DPP10: variants seen among roughly 807,000 people sequenced by gnomAD.
DPP10 encodes dipeptidyl peptidase like 10.
Under a neutral mutation model 120.9 loss-of-function variants are expected in DPP10, and 33 were observed. The observed-to-expected ratio is 0.27, with a 90% CI of 0.21 to 0.37. DPP10 has a LOEUF of 0.37. DPP10 is among the 10% of genes least tolerant of loss of function. DPP10 has a pLI of 1.00. For missense variants in DPP10, 816 were observed against 942.8 expected, an observed-to-expected ratio of 0.87 and a Z score of 1.76; for synonymous variants, 337 against 326.1, an observed-to-expected ratio of 1.03 and a Z score of -0.36.
intron 1 of DPP10, among the ~76,000 whole-genome samples, chr2:114,724,659 T>G (rs1393646537): frequency 6.6e-6 from 1 of 152,162 alleles, no homozygotes; most frequent in Non-Finnish European, 1.5e-5. Context: ...AATTTGGCTC[T>G]TTACATCAAA....
intron 1 of DPP10, among the ~76,000 whole-genome samples, chr2:115,044,283 TGC>T (rs1441879069): frequency 6.6e-6 from 1 of 152,100 alleles, no homozygotes; most frequent in Non-Finnish European, 1.5e-5. Flanking sequence ...GGAAGTAAGA[TGC>T]CTCACATGGC....
intron 3 of DPP10, among the ~76,000 whole-genome samples, chr2:115,465,415 A>T (rs937857590): frequency 2.0e-5 from 3 of 152,230 alleles, no homozygotes; most frequent in Non-Finnish European, 2.9e-5. Flanking sequence ...ACTGAAATAA[A>T]GTGTACTGTG....
chr2:114,964,860 G>A (rs535850382), intron 1 of DPP10, among the ~76,000 whole-genome samples: 2 of 152,314 alleles, frequency 1.3e-5, no homozygotes, highest in African/African-American at 4.8e-5. Flanking sequence ...CTGGGCTCCT[G>A]TTAAGAAATA....
At chr2:115,321,019 G>C (rs184841255) in intron 2 of DPP10, among the ~76,000 whole-genome samples, 189 of 152,248 alleles carry the variant, frequency 1.2e-3, no homozygotes, top group Non-Finnish European at 2.3e-3. Flanking sequence ...TCTGTTCTTG[G>C]CTGGGAGCAG....
chr2:114,663,668 T>TATATATATAGAGAGAGAGAGAGAGAGAG, intron 1 of DPP10, among the ~76,000 whole-genome samples: 24 of 80,700 alleles, frequency 3.0e-4, no homozygotes, highest in African/African-American at 1.9e-3. Context: ...TATATATATA[T>TATATATATAGAGAGAGAGAGAGAGAGAG]AGAGAGAGAG....
intron 1 of DPP10, among the ~76,000 whole-genome samples, chr2:114,599,916 G>A (rs1692229651): frequency 1.3e-5 from 2 of 151,406 alleles, no homozygotes; most frequent in Admixed American, 6.6e-5. Context: ...AATATTTGAA[G>A]TATTTTTCTT....
chr2:114,888,323 A>C (rs1442033983), intron 1 of DPP10, among the ~76,000 whole-genome samples: 1 of 152,150 alleles, frequency 6.6e-6, no homozygotes, highest in African/African-American at 2.4e-5. Context: ...ATAACTTTGA[A>C]TATATCATTA....
At chr2:114,900,319 A>G (rs912189975) in intron 1 of DPP10, among the ~76,000 whole-genome samples, 4 of 152,194 alleles carry the variant, frequency 2.6e-5, no homozygotes, top group African/African-American at 9.6e-5. Context: ...TAGAGGTAGA[A>G]TTGTTGGCTT....
At chr2:115,512,981 G>C (rs1004198116) in intron 4 of DPP10, among the ~76,000 whole-genome samples, 60 of 152,130 alleles carry the variant, frequency 3.9e-4, no homozygotes, top group African/African-American at 1.3e-3. Flanking sequence ...AGGTTTTGAA[G>C]TCTCCAACTA....
chr2:115,468,206 C>A (rs1408462559), intron 3 of DPP10: 2 of 495,556 alleles, frequency 4.0e-6, no homozygotes, highest in Non-Finnish European at 4.0e-6. Flanking sequence ...TATCCTAAAT[C>A]TGAAGAGGAC....
chr2:115,091,249 G>T (rs908170792), intron 1 of DPP10, among the ~76,000 whole-genome samples: 1 of 152,118 alleles, frequency 6.6e-6, no homozygotes, highest in African/African-American at 2.4e-5. Flanking sequence ...TCTAAACCTT[G>T]TCTGGCTCCC....
chr2:115,803,332 C>T (rs566580228), intron 19 of DPP10, among the ~76,000 whole-genome samples: 7 of 152,190 alleles, frequency 4.6e-5, no homozygotes, highest in Admixed American at 1.3e-4. Context: ...TGTCTCTGCA[C>T]GTGAGATGGG....
chr2:115,166,777 A>G (rs2052909786), intron 1 of DPP10, among the ~76,000 whole-genome samples: 4 of 152,134 alleles, frequency 2.6e-5, no homozygotes, highest in Non-Finnish European at 5.9e-5. Flanking sequence ...TATGAAGCAC[A>G]TTACATTGGA....
chr2:114,872,237 C>T (rs749156602), intron 1 of DPP10, among the ~76,000 whole-genome samples: 2 of 152,122 alleles, frequency 1.3e-5, no homozygotes, highest in Admixed American at 1.3e-4. Context: ...GAAGGGGAAG[C>T]AAACACGTCC....
intron 1 of DPP10, among the ~76,000 whole-genome samples, chr2:114,593,997 CTGAG>C (rs1488494440): frequency 6.6e-6 from 1 of 152,072 alleles, no homozygotes; most frequent in African/African-American, 2.4e-5. Flanking sequence ...ATGGTTAATA[CTGAG>C]TGTCAACTTG....
intron 1 of DPP10, among the ~76,000 whole-genome samples, chr2:114,922,144 A>C (rs983140275): frequency 6.6e-6 from 1 of 152,214 alleles, no homozygotes. Flanking sequence ...AATTTAATGT[A>C]AAATTCAGTG....
intron 1 of DPP10, among the ~76,000 whole-genome samples, chr2:114,763,163 G>C (rs949202413): frequency 3.9e-5 from 6 of 152,134 alleles, no homozygotes; most frequent in Admixed American, 2.6e-4. Flanking sequence ...GGTGCTTTGG[G>C]AGATACCGCA....
intron 7 of DPP10, among the ~76,000 whole-genome samples, chr2:115,725,277 T>C (rs763478258): frequency 6.6e-6 from 1 of 152,126 alleles, no homozygotes; most frequent in Non-Finnish European, 1.5e-5. Context: ...AGCTCTCAAA[T>C]TGTTACTAAT....
chr2:114,902,103 A>G (rs1574453920), intron 1 of DPP10, among the ~76,000 whole-genome samples: 1 of 152,206 alleles, frequency 6.6e-6, no homozygotes, highest in South Asian at 2.1e-4. Flanking sequence ...CTTCTGCACC[A>G]TGAAATGTTT....
Sources: gnomAD v4.1 joint callset for allele counts (sites outside exome capture counted in the v4.1 genomes callset) on GRCh38, gnomAD v4.1.1 for gene constraint, MANE v1.5 for transcripts, NCBI Gene and HGNC (gene_info 2026-07-23, HGNC 2026-07-21) for gene names.